The following SPART variants were observed in gnomAD, a reference collection of about 807,000 sequenced individuals.
SPART encodes spastic paraplegia 20 (Troyer syndrome).
A neutral mutation model predicts 58.7 loss-of-function variants in SPART; 35 were observed. The ratio of observed to expected loss-of-function variants is 0.60; its 90% CI spans 0.46 to 0.79. SPART has a LOEUF of 0.79. SPART is among the 30% of genes least tolerant of loss of function. The pLI is 0.00. For missense variants in SPART, 730 were observed against 786.1 expected (o/e 0.93, Z 0.85); for synonymous variants, 284 against 280.7 (o/e 1.01, Z -0.12).
intron 1 of SPART, among the ~76,000 whole-genome samples, chr13:36,367,401 T>C (rs1363805604): frequency 6.6e-6 from 1 of 152,084 alleles, no homozygotes; most frequent in African/African-American, 2.4e-5. Flanking sequence ...ATGACATGCC[T>C]AGTCAAACGA....
rs1446237689 is a variant in SPART at position 36,314,309 on chromosome 13, C to T, written c.1401G>A (p.Val467=). Reference sequence around the variant, plus strand: ...CCTTGGTGACAGCTGGACTAACTTCCACGGGTTTTTCTTCTGGTTGAATCC... The same window carrying T: ...CCTTGGTGACAGCTGGACTAACTTCTACGGGTTTTTCTTCTGGTTGAATCC... ...RERIQPEEKP[V]EVSPAVTKGL... The change falls in exon 6 of 9, where the codon GTG becomes GTA. Residue 467 remains valine (V), a synonymous_variant. Coordinates refer to ENST00000438666, the MANE Select transcript of SPART (RefSeq NM_015087.5). 10 of 1,614,106 alleles carry T rather than the reference C, an allele frequency of 6.2e-6. No individual in the cohort carries two copies. The Admixed American group carries it at 1.5e-4, about 24-fold the overall frequency.
intron 8 of SPART, among the ~76,000 whole-genome samples, chr13:36,305,138 T>TCACTGG (rs1880389364): frequency 6.6e-6 from 1 of 152,130 alleles, no homozygotes; most frequent in Non-Finnish European, 1.5e-5. Context: ...TACTGCACAC[T>TCACTGG]CACTGGCCTC....
chr13:36,303,375 T>C lies in SPART; in HGVS notation c.*990A>G, dbSNP rs1395144263. On this transcript the variant is annotated 3_prime_UTR_variant, in exon 9 of 9. Transcript: ENST00000438666. ...GTGAATAGTCTGCCTTCTGCCAAAG[T>C]GGAAACCATAATGCCTATCCACCAT... The C allele has an allele frequency of 6.6e-6, 1 of 152,130 alleles. No homozygotes were observed. Among genetic ancestry groups the C allele is most frequent in the Admixed American group, 6.5e-5 (1 of 15,280 alleles). The allele number at this position is 152,130 out of a possible 1,614,324, so 9.4% of individuals were successfully genotyped here.
chr13:36,331,621 A>G, intron 2 of SPART, 25 bp from the exon 3 acceptor site: 2 of 1,497,172 alleles, frequency 1.3e-6, no homozygotes, highest in Non-Finnish European at 1.9e-6. Context: ...TAGAAGAAAA[A>G]AAATATACAT....
rs1880300131 is a variant in SPART, at chr13:36,304,518, A to G, written c.1848T>C (p.Thr616=). The change falls in exon 9 of 9, where the codon ACT becomes ACC. Residue 616 remains threonine, a synonymous_variant. Transcript: ENST00000438666. ...GGAGAGTGTGTCCTGTTTGTGTTGC[A>G]GTTTTCTTCACCATTGCTTTGATAC... ...NIGIKAMVKK[T]ATQTGHTLLE... 2 of 1,614,060 alleles carry G rather than the reference A, an allele frequency of 1.2e-6. No homozygotes were observed. Among genetic ancestry groups the G allele is most frequent in the East Asian group, 4.5e-5 (2 of 44,858 alleles).
In SPART at chr13:36,308,123, T is replaced by C. The variant is rs958283715; in HGVS notation, c.1734-3491A>G. 3.3e-5 allele frequency among the ~76,000 whole-genome samples: 5 copies of C among 152,234 alleles called. No homozygotes were observed. The East Asian group carries it at 5.8e-4, about 18-fold the overall frequency. ...AAGAGTGTAAATAAACCTAAGTGTA[T>C]GTAAACAAATAAGAACAAAATTAAA... On this transcript the variant is annotated intron_variant, in intron 8 of 8. Transcript: ENST00000438666.
chr13:36,331,011 C>T (rs1410989494), intron 3 of SPART, among the ~76,000 whole-genome samples: 1 of 152,154 alleles, frequency 6.6e-6, no homozygotes, highest in African/African-American at 2.4e-5. Flanking sequence ...AAAACAATAG[C>T]TAACATTCAC....
chr13:36,339,627 C>CAAAAA lies in SPART; in HGVS notation c.-2-3800_-2-3796dup, dbSNP rs71084420. ...GCCTGTTCACAGAGCACGACTCCAT[C>CAAAAA]AAAAAAAAAAAAAAAAAAAAAAAAA... On this transcript the variant is annotated intron_variant, in intron 1 of 8. Transcript: ENST00000438666. Among the ~76,000 whole-genome samples the CAAAAA allele has an allele frequency of 4.4e-3, 169 of 38,804 alleles. 9 individuals are homozygous for CAAAAA. Among genetic ancestry groups the CAAAAA allele is most frequent in the Middle Eastern group, 0.05 (1 of 20 alleles). The allele number at this position is 38,804 out of a possible 152,430, so 25.5% of individuals were successfully genotyped here.
chr13:36,349,083 A>C (rs1221726193), upstream of SPART, among the ~76,000 whole-genome samples: 1 of 152,078 alleles, frequency 6.6e-6, no homozygotes, highest in Admixed American at 6.5e-5. Flanking sequence ...GACCAACATG[A>C]AGAAACCCGG....
intron 4 of SPART, among the ~76,000 whole-genome samples, chr13:36,328,366 T>C (rs994655539): frequency 6.6e-6 from 1 of 152,182 alleles, no homozygotes; most frequent in Non-Finnish European, 1.5e-5. Flanking sequence ...TTCATATACT[T>C]GCTTATATTA....
chr13:36,365,252 A>G (rs1006891960), intron 1 of SPART, among the ~76,000 whole-genome samples: 2 of 152,230 alleles, frequency 1.3e-5, no homozygotes, highest in Non-Finnish European at 2.9e-5. Context: ...GTAAAAAAAA[A>G]TTATACAGTG....
rs1022939418 is a variant in SPART at position 36,303,091 on chromosome 13, T to C, written c.*1274A>G. 3.3e-5 allele frequency: 5 copies of C among 152,214 alleles called. No individual in the cohort carries two copies. Among genetic ancestry groups the C allele is most frequent in the Non-Finnish European group, 5.9e-5 (4 of 68,034 alleles). 9.4% of individuals were successfully genotyped at this position (152,214 alleles called of 1,614,324 possible). A position where few individuals can be genotyped will look rare whatever the true frequency, so the allele number is the denominator to read the frequency against. On this transcript the variant is annotated 3_prime_UTR_variant, in exon 9 of 9. Coordinates refer to ENST00000438666, the MANE Select transcript of SPART (RefSeq NM_015087.5). ...ATTATCCTTGGCCTTAGGAAAAGCC[T>C]CCATCAGTTCTATGTGTTCCCAAAA...
chr13:36,362,590 C>T (rs891767502), intron 1 of SPART, among the ~76,000 whole-genome samples: 4 of 152,062 alleles, frequency 2.6e-5, no homozygotes, highest in African/African-American at 9.7e-5. Context: ...GTTTCTTTCT[C>T]CCCTGTGTGC....
At chr13:36,343,844 C>T (rs1884797148) in intron 1 of SPART, among the ~76,000 whole-genome samples, 2 of 151,912 alleles carry the variant, frequency 1.3e-5, no homozygotes, top group Non-Finnish European at 2.9e-5. Context: ...GTAAATGATA[C>T]ATTCAAATCA....
intron 5 of SPART, among the ~76,000 whole-genome samples, chr13:36,324,102 A>G (rs879290945): frequency 6.6e-5 from 10 of 152,338 alleles, no homozygotes; most frequent in Admixed American, 1.3e-4. Context: ...GACCACAAAC[A>G]GTGCCTGCTA....
At chr13:36,327,567 T>TA (rs1735269312) in intron 4 of SPART, among the ~76,000 whole-genome samples, 1 of 152,126 alleles carries the variant, frequency 6.6e-6, no homozygotes, top group African/African-American at 2.4e-5. Flanking sequence ...TACTGTTAAG[T>TA]AAAAAAGCAA....
intron 5 of SPART, among the ~76,000 whole-genome samples, chr13:36,322,804 A>C (rs1421812419): frequency 1.3e-5 from 2 of 152,172 alleles, no homozygotes; most frequent in Non-Finnish European, 2.9e-5. Context: ...TCAAAGTATA[A>C]ATTGAATATA....
intron 6 of SPART, among the ~76,000 whole-genome samples, chr13:36,313,709 G>C (rs1358244416): frequency 1.3e-5 from 2 of 152,154 alleles, no homozygotes; most frequent in Non-Finnish European, 2.9e-5. Flanking sequence ...GTATAGGTTT[G>C]TACTTAGGAG....
chr13:36,312,690 G>A (rs1020559719), intron 6 of SPART: 11 of 588,120 alleles, frequency 1.9e-5, no homozygotes, highest in East Asian at 3.0e-5. Context: ...TGATCCTCCT[G>A]CCTCTGCCTC....
Sources: allele counts gnomAD v4.1 joint callset (sites outside exome capture counted in the v4.1 genomes callset), GRCh38; gene constraint gnomAD v4.1.1; transcripts MANE v1.5; gene names NCBI Gene and HGNC (gene_info 2026-07-23, HGNC 2026-07-21).